Variants in SCHIP1 observed in about 807,000 individuals in gnomAD.
SCHIP1 encodes the protein schwannomin-interacting protein 1.
Under a neutral mutation model 29.7 loss-of-function variants are expected in SCHIP1, and 8 were observed. The observed-to-expected ratio is 0.27, with a 90% CI of 0.16 to 0.49. The LOEUF is 0.49. Ranked by LOEUF, SCHIP1 falls within the 20% of genes least tolerant of loss-of-function variation. The pLI, the probability that SCHIP1 is intolerant of heterozygous loss-of-function variation, is 0.99. For missense variants in SCHIP1, 193 were observed against 294.6 expected (o/e 0.66, Z 2.52); for synonymous variants, 76 against 94.9 (o/e 0.80, Z 1.16).
At chr3:159,650,655 T>C in the SCHIP1 span, among the ~76,000 whole-genome samples, 1 of 152,188 alleles carries the variant, frequency 6.6e-6, no homozygotes, top group African/African-American at 2.4e-5. Context: ...AAGCTGTTTA[T>C]TGCATTGTTG....
chr3:159,672,441 G>A, the SCHIP1 span, among the ~76,000 whole-genome samples: 1 of 152,174 alleles, frequency 6.6e-6, no homozygotes, highest in Admixed American at 6.5e-5. Flanking sequence ...TGTTACTTTA[G>A]TTTCTAGCTA....
rs996433333 is a variant in SCHIP1, at chr3:159,866,389, C to T, written c.149+108C>T. ...AATCTTCTGTAGTTTTTTTTTCCCC[C>T]TCGCATAATACTGCCATCTTTATTT... On this transcript the variant is annotated intron_variant, in intron 2 of 6. Coordinates refer to ENST00000445224, the Ensembl canonical transcript of SCHIP1. 4.8e-6 allele frequency: 5 copies of T among 1,032,120 alleles called. No individual in the cohort carries two copies. The African/African-American group carries it at 8.2e-5, about 17-fold the overall frequency. The allele number at this position is 1,032,120 out of a possible 1,614,324, so 63.9% of individuals were successfully genotyped here.
chr3:159,414,544 G>T, the SCHIP1 span, among the ~76,000 whole-genome samples: 1 of 152,064 alleles, frequency 6.6e-6, no homozygotes. Context: ...TTTACTGTTG[G>T]CTGTTCATAT....
At chr3:159,290,457 C>T in the SCHIP1 span, among the ~76,000 whole-genome samples, 9 of 152,044 alleles carry the variant, frequency 5.9e-5, no homozygotes, top group Non-Finnish European at 1.0e-4. Context: ...AATAAAACCT[C>T]TTTGAATATA....
At chr3:159,533,392 C>G in the SCHIP1 span, among the ~76,000 whole-genome samples, 1 of 152,144 alleles carries the variant, frequency 6.6e-6, no homozygotes, top group Non-Finnish European at 1.5e-5. Context: ...CAAAAGCACA[C>G]CATCCCAACC....
the SCHIP1 span, among the ~76,000 whole-genome samples, chr3:159,645,158 C>T: frequency 6.6e-6 from 1 of 152,192 alleles, no homozygotes. Flanking sequence ...TTTAGAAATT[C>T]TTAAGAAGGC....
the SCHIP1 span, among the ~76,000 whole-genome samples, chr3:159,672,074 A>G: frequency 1.3e-5 from 2 of 152,234 alleles, no homozygotes; most frequent in Non-Finnish European, 2.9e-5. Context: ...CTAAAATCTG[A>G]TATCTCACAA....
At chr3:159,342,655 T>C in the SCHIP1 span, among the ~76,000 whole-genome samples, 3 of 152,210 alleles carry the variant, frequency 2.0e-5, no homozygotes, top group Non-Finnish European at 4.4e-5. Context: ...TTTAGAAAGA[T>C]TGTTGACTTT....
At chr3:159,542,017 G>A in the SCHIP1 span, among the ~76,000 whole-genome samples, 1 of 151,952 alleles carries the variant, frequency 6.6e-6, no homozygotes, top group African/African-American at 2.4e-5. Flanking sequence ...GAACCTTTGG[G>A]GATGGGATAT....
chr3:159,620,804 A>G, the SCHIP1 span, among the ~76,000 whole-genome samples: 1 of 152,182 alleles, frequency 6.6e-6, no homozygotes, highest in African/African-American at 2.4e-5. Context: ...TAACAGAACC[A>G]TGGAGGATCA....
chr3:159,510,737 A>G, the SCHIP1 span, among the ~76,000 whole-genome samples: 1 of 152,254 alleles, frequency 6.6e-6, no homozygotes, highest in African/African-American at 2.4e-5. Flanking sequence ...GGTCCACTCC[A>G]GACCCTGTTT....
chr3:159,608,306 C>T, the SCHIP1 span, among the ~76,000 whole-genome samples: 3 of 152,172 alleles, frequency 2.0e-5, no homozygotes, highest in African/African-American at 7.2e-5. Flanking sequence ...ATTTTATAAG[C>T]ATATCGCTTA....
At chr3:159,626,251 T>TACAG in the SCHIP1 span, among the ~76,000 whole-genome samples, 1 of 93,736 alleles carries the variant, frequency 1.1e-5, no homozygotes, top group Non-Finnish European at 2.0e-5. Flanking sequence ...TATCTATCTA[T>TACAG]ATAGATAGAT....
At chr3:159,481,392 T>G in the SCHIP1 span, among the ~76,000 whole-genome samples, 1 of 152,190 alleles carries the variant, frequency 6.6e-6, no homozygotes, top group Non-Finnish European at 1.5e-5. Context: ...GAATTAAGTG[T>G]TCTGTATTGA....
chr3:159,805,295 G>T, the SCHIP1 span, among the ~76,000 whole-genome samples: 1 of 152,164 alleles, frequency 6.6e-6, no homozygotes, highest in Non-Finnish European at 1.5e-5. Flanking sequence ...AGGAACTGGG[G>T]CTCCTAGCCT....
chr3:159,401,130 C>T, the SCHIP1 span: 46 of 962,854 alleles, frequency 4.8e-5, no homozygotes, highest in Admixed American at 6.2e-5. Context: ...CAGTGAGCAA[C>T]TTGAAGGCCT....
chr3:159,519,870 A>C, the SCHIP1 span, among the ~76,000 whole-genome samples: 2 of 148,170 alleles, frequency 1.3e-5, no homozygotes, highest in African/African-American at 5.0e-5. Context: ...AGAAAAAAAA[A>C]ATATATATAT....
the SCHIP1 span, among the ~76,000 whole-genome samples, chr3:159,564,163 C>A: frequency 1.3e-5 from 2 of 152,146 alleles, no homozygotes; most frequent in African/African-American, 4.8e-5. Context: ...CTGTACCCTG[C>A]ACTCACATAT....
the SCHIP1 span, among the ~76,000 whole-genome samples, chr3:159,731,972 G>C: frequency 2.6e-5 from 4 of 151,932 alleles, no homozygotes; most frequent in Non-Finnish European, 5.9e-5. Flanking sequence ...TCAGCCTCCT[G>C]AGTAGCTGGG....
Sources: allele counts gnomAD v4.1 joint callset (sites outside exome capture counted in the v4.1 genomes callset), GRCh38; gene constraint gnomAD v4.1.1; transcripts MANE v1.5; gene names NCBI Gene and HGNC (gene_info 2026-07-23, HGNC 2026-07-21).